The following SPOCK3 variants were observed in gnomAD, a reference collection of about 807,000 sequenced individuals.
SPOCK3 encodes the protein testican-3.
In SPOCK3, 30 loss-of-function variants were observed where a neutral mutation model predicts 56.6. The ratio of observed to expected loss-of-function variants is 0.53; its 90% CI spans 0.40 to 0.72. The LOEUF is 0.72. Ranked by LOEUF, SPOCK3 falls within the 30% of genes least tolerant of loss-of-function variation. The pLI, the probability that SPOCK3 is intolerant of heterozygous loss-of-function variation, is 0.00. For missense variants in SPOCK3, 527 were observed against 530.0 expected, an observed-to-expected ratio of 0.99 and a Z score of 0.06; for synonymous variants, 196 against 183.3, an observed-to-expected ratio of 1.07 and a Z score of -0.56.
intron 5 of SPOCK3, 101 bp from the exon 6 acceptor site, chr4:166,889,345 T>A: frequency 1.4e-6 from 1 of 701,910 alleles, no homozygotes; most frequent in Non-Finnish European, 2.4e-6. Context: ...TGCATATAAT[T>A]TGGAGATTTT....
chr4:167,052,985 C>A (rs1754379973), intron 3 of SPOCK3, among the ~76,000 whole-genome samples: 1 of 152,136 alleles, frequency 6.6e-6, no homozygotes, highest in South Asian at 2.1e-4. Context: ...GCTCTGTTCA[C>A]TGAAGGGAAT....
Position 166,910,390 on chromosome 4 carries a change from ATAC to A in SPOCK3, c.474+2227_474+2229del, listed in dbSNP as rs558624801. Reference sequence around the variant, plus strand: ...ATTATCTATAAGATTGGTTTTGTTGATACTACTAATAAAATTAGATGATTTATA... The same window carrying A: ...ATTATCTATAAGATTGGTTTTGTTGATACTAATAAAATTAGATGATTTATA... On this transcript the variant is annotated intron_variant, in intron 5 of 10. Transcript: ENST00000357545. Among the ~76,000 whole-genome samples the A allele has an allele frequency of 4.3e-4, 65 of 152,270 alleles. No homozygotes were observed. In the East Asian group the frequency reaches 8.1e-3, roughly 19 times the overall value.
intron 4 of SPOCK3, among the ~76,000 whole-genome samples, chr4:166,997,801 T>C (rs1222811461): frequency 6.6e-6 from 1 of 152,152 alleles, no homozygotes; most frequent in Non-Finnish European, 1.5e-5. Context: ...TGAAAAACTG[T>C]ATTCCCCTTG....
At chr4:166,930,313 T>C (rs80189275) in intron 4 of SPOCK3, among the ~76,000 whole-genome samples, 1,699 of 152,240 alleles carry the variant, frequency 0.011, 29 homozygotes, top group African/African-American at 0.038. Context: ...CATGTTTACA[T>C]ATATAAAAGC....
intron 5 of SPOCK3, among the ~76,000 whole-genome samples, chr4:166,895,964 G>A (rs1735338158): frequency 6.6e-6 from 1 of 152,060 alleles, no homozygotes; most frequent in Non-Finnish European, 1.5e-5. Flanking sequence ...GCCCTCTGTT[G>A]ACTCACTTCA....
chr4:166,854,247 T>C (rs550071151), intron 6 of SPOCK3, among the ~76,000 whole-genome samples: 3 of 152,210 alleles, frequency 2.0e-5, no homozygotes, highest in Non-Finnish European at 4.4e-5. Flanking sequence ...ATTCTTGATG[T>C]GAGAGGAGGA....
chr4:166,878,092 A>G (rs996451188), intron 6 of SPOCK3, among the ~76,000 whole-genome samples: 8 of 152,134 alleles, frequency 5.3e-5, no homozygotes, highest in Admixed American at 5.2e-4. Context: ...CCTGGCCAAC[A>G]TGGTGAAACC....
chr4:166,815,181 A>T (rs775061252), intron 6 of SPOCK3, among the ~76,000 whole-genome samples: 1 of 152,008 alleles, frequency 6.6e-6, no homozygotes, highest in African/African-American at 2.4e-5. Flanking sequence ...CAAAACTAAG[A>T]TCTAACTGAT....
At chr4:166,930,455 C>T (rs1739614240) in intron 4 of SPOCK3, among the ~76,000 whole-genome samples, 1 of 150,674 alleles carries the variant, frequency 6.6e-6, no homozygotes, top group East Asian at 2.0e-4. Flanking sequence ...TCTTATGAAA[C>T]TGACATAAAT....
rs559949399 is a variant in SPOCK3 at position 167,210,786 on chromosome 4, G to A, written c.189+23199C>T. On this transcript the variant is annotated intron_variant, in intron 2 of 10. Transcript: ENST00000357545. ...GCTGAGTCATACAAATATATGACTA[G>A]CTCGAGAGCAAAATAGGTAAGTGCA... 3.3e-5 allele frequency among the ~76,000 whole-genome samples: 5 copies of A among 152,108 alleles called. No individual in the cohort carries two copies. In the South Asian group the frequency reaches 6.2e-4, roughly 19 times the overall value.
chr4:166,806,116 T>C (rs1436443009), intron 6 of SPOCK3, among the ~76,000 whole-genome samples: 1 of 152,106 alleles, frequency 6.6e-6, no homozygotes, highest in African/African-American at 2.4e-5. Flanking sequence ...AGAATATTTT[T>C]CTTAATTGCC....
chr4:167,043,923 T>C (rs961052865), intron 3 of SPOCK3, among the ~76,000 whole-genome samples: 1 of 152,048 alleles, frequency 6.6e-6, no homozygotes, highest in African/African-American at 2.4e-5. Flanking sequence ...AATGTGTTTG[T>C]CTGATTTTGA....
intron 2 of SPOCK3, 40 bp downstream of exon 2, chr4:167,233,945 C>A (rs373298800): frequency 2.6e-5 from 41 of 1,574,338 alleles, no homozygotes; most frequent in Middle Eastern, 3.4e-4. Flanking sequence ...CTCGGAGCAG[C>A]GCGCGCGTGT....
chr4:166,775,829 CTAAG>C (rs1297090453), intron 7 of SPOCK3, among the ~76,000 whole-genome samples: 1 of 152,094 alleles, frequency 6.6e-6, no homozygotes, highest in African/African-American at 2.4e-5. Context: ...GAATTAAGTG[CTAAG>C]TATATGCCAA....
At chr4:167,037,527 C>G (rs1478136682) in intron 3 of SPOCK3, among the ~76,000 whole-genome samples, 1 of 151,452 alleles carries the variant, frequency 6.6e-6, no homozygotes, top group Non-Finnish European at 1.5e-5. Context: ...TACAGGAACA[C>G]TGTCCACACA....
rs145550437 is a variant in SPOCK3 at position 166,942,707 on chromosome 4, A to G, written c.351-29964T>C. Among the ~76,000 whole-genome samples, 350 of 152,310 alleles carry G rather than the reference A, an allele frequency of 2.3e-3. 3 individuals carry two copies. The highest frequency in any genetic ancestry group is 7.8e-3 in the African/African-American group (326 of 41,586). On this transcript the variant is annotated intron_variant, in intron 4 of 10. Transcript: ENST00000357545. ...GAAAAGATTAGACTAAGAATACCCTATAGAATTTGGCATAACACTTAGAAA... is the reference window on the plus strand; with the variant it reads ...GAAAAGATTAGACTAAGAATACCCTGTAGAATTTGGCATAACACTTAGAAA...
At chr4:167,113,628 G>C (rs556365906) in intron 2 of SPOCK3, among the ~76,000 whole-genome samples, 2 of 152,060 alleles carry the variant, frequency 1.3e-5, no homozygotes, top group South Asian at 2.1e-4. Context: ...AGGATTAAAG[G>C]AACAACCAAA....
At chr4:167,192,004 T>G (rs1411734578) in intron 2 of SPOCK3, among the ~76,000 whole-genome samples, 1 of 145,750 alleles carries the variant, frequency 6.9e-6, no homozygotes, top group African/African-American at 2.6e-5. Context: ...TATTGAATTT[T>G]TCCAAATAGT....
chr4:167,204,410 C>T (rs764137595), intron 2 of SPOCK3, among the ~76,000 whole-genome samples: 1 of 152,078 alleles, frequency 6.6e-6, no homozygotes. Flanking sequence ...CCTCAGGAAA[C>T]TTACAAGCAT....
Sources: allele counts gnomAD v4.1 joint callset (sites outside exome capture counted in the v4.1 genomes callset), GRCh38; gene constraint gnomAD v4.1.1; transcripts MANE v1.5; gene names NCBI Gene and HGNC (gene_info 2026-07-23, HGNC 2026-07-21).